SLC35F3: variants seen among roughly 807,000 people sequenced by gnomAD.
The protein encoded by SLC35F3 is putative thiamine transporter SLC35F3.
SLC35F3 carries 25 observed loss-of-function variants against 49.9 expected under a neutral mutation model. The ratio of observed to expected loss-of-function variants is 0.50; its 90% confidence interval spans 0.37 to 0.70. The LOEUF is 0.70. SLC35F3 is among the 30% of genes least tolerant of loss of function. The pLI is 0.00. For missense variants in SLC35F3, 525 were observed against 639.8 expected, an observed-to-expected ratio of 0.82 and a Z score of 1.94; for synonymous variants, 275 against 265.4, an observed-to-expected ratio of 1.04 and a Z score of -0.35.
intron 3 of SLC35F3, among the ~76,000 whole-genome samples, chr1:234,250,146 AT>A: frequency 6.6e-6 from 1 of 152,356 alleles, no homozygotes; most frequent in East Asian, 1.9e-4. Context: ...TGAAGATACT[AT>A]TTATTCAAAA....
intron 3 of SLC35F3, among the ~76,000 whole-genome samples, chr1:234,273,236 G>A (rs1668138105): frequency 6.6e-6 from 1 of 152,214 alleles, no homozygotes; most frequent in Non-Finnish European, 1.5e-5. Flanking sequence ...ACTGCCAGCT[G>A]TGTCTACTTA....
At chr1:234,290,118 C>T (rs988867490) in intron 3 of SLC35F3, among the ~76,000 whole-genome samples, 1 of 152,006 alleles carries the variant, frequency 6.6e-6, no homozygotes, top group African/African-American at 2.4e-5. Context: ...GAAGATCATT[C>T]TGAAGAAATC....
At chr1:234,266,873 G>GTTTTTTTTTTTTTTTTTTTTTTTTT (rs34040004) in intron 3 of SLC35F3, among the ~76,000 whole-genome samples, 3 of 108,644 alleles carry the variant, frequency 2.8e-5, no homozygotes, top group African/African-American at 3.5e-5. Context: ...GAAGCACATG[G>GTTTTTTTTTTTTTTTTTTTTTTTTT]TTTTTTTTTT....
At chr1:234,250,630 G>A (rs1340276148) in intron 3 of SLC35F3, among the ~76,000 whole-genome samples, 1 of 148,240 alleles carries the variant, frequency 6.7e-6, no homozygotes, top group Non-Finnish European at 1.5e-5. Context: ...CTCCAGCCTG[G>A]GCGACAGAGC....
chr1:233,925,834 A>C (rs1460950444), intron 2 of SLC35F3, among the ~76,000 whole-genome samples: 2 of 152,208 alleles, frequency 1.3e-5, no homozygotes, highest in African/African-American at 4.8e-5. Flanking sequence ...CCTGGTGGTG[A>C]CAAAATCTCT....
At chr1:234,277,861 A>C (rs1558095643) in intron 3 of SLC35F3, among the ~76,000 whole-genome samples, 1 of 152,192 alleles carries the variant, frequency 6.6e-6, no homozygotes, top group Non-Finnish European at 1.5e-5. Flanking sequence ...GAAGTTATTA[A>C]CTCTAAAAGG....
intron 3 of SLC35F3, among the ~76,000 whole-genome samples, chr1:234,247,917 C>A (rs1228885138): frequency 6.6e-6 from 1 of 151,690 alleles, no homozygotes; most frequent in Non-Finnish European, 1.5e-5. Flanking sequence ...GTTGGTTGGT[C>A]CATTGCTTGG....
chr1:234,247,219 G>A (rs1263237143), intron 3 of SLC35F3, among the ~76,000 whole-genome samples: 1 of 152,260 alleles, frequency 6.6e-6, no homozygotes, highest in Non-Finnish European at 1.5e-5. Context: ...TTATGTGAAT[G>A]CATGGGTGCA....
Position 233,913,116 on chromosome 1 carries a change from G to A in SLC35F3, c.283+7358G>A, listed in dbSNP as rs150064357. Among the ~76,000 whole-genome samples the A allele has an allele frequency of 3.9e-5, 6 of 152,306 alleles. No homozygotes were observed. In the East Asian group the frequency reaches 9.6e-4, roughly 24 times the overall value. ...GCCTGGGGAGCCCTTTCTCATATCA[G>A]TGAGTTCATTCTTCAGCTGGAGGAG... On this transcript the variant is annotated intron_variant, in intron 2 of 7. Coordinates refer to ENST00000366618, the MANE Select transcript of SLC35F3 (RefSeq NM_173508.4).
At chr1:234,180,601 T>C (rs540199529) in intron 2 of SLC35F3, among the ~76,000 whole-genome samples, 1 of 152,220 alleles carries the variant, frequency 6.6e-6, no homozygotes, top group African/African-American at 2.4e-5. Context: ...CAGGTCACTC[T>C]CTATTTAAAG....
At chr1:234,307,964 T>G (rs1206103606) in intron 3 of SLC35F3, among the ~76,000 whole-genome samples, 1 of 152,238 alleles carries the variant, frequency 6.6e-6, no homozygotes, top group Non-Finnish European at 1.5e-5. Context: ...TACTTCCTTC[T>G]TCTGCATGTA....
chr1:234,322,702 T>C (rs79213830), intron 7 of SLC35F3, among the ~76,000 whole-genome samples: 1 of 149,698 alleles, frequency 6.7e-6, no homozygotes, highest in East Asian at 2.0e-4. Context: ...CTATCTCTCA[T>C]CTCCTCAACT....
At position 234,320,025 on chromosome 1, in the gene SLC35F3, C is replaced by A; in HGVS notation, c.1148-73C>A. 1.9e-6 allele frequency: 2 copies of A among 1,045,972 alleles called. No homozygotes were observed. The highest frequency in any genetic ancestry group is 1.3e-5 in the South Asian group (1 of 77,792). The allele number at this position is 1,045,972 out of a possible 1,614,324, so 64.8% of individuals were successfully genotyped here. On this transcript the variant is annotated intron_variant, in intron 6 of 7. Coordinates refer to ENST00000366618, the MANE Select transcript of SLC35F3 (RefSeq NM_173508.4). This position sits in a 1 kb window ranked among gnomAD's most constrained non-coding sequence, Gnocchi z 4.8. ...CCAGCCTCATCAGGAAAACCTGGGT[C>A]AGATAGGCCAGCAGGGAGGTAAAGT...
intron 2 of SLC35F3, among the ~76,000 whole-genome samples, chr1:234,050,714 T>A (rs549338280): frequency 6.6e-6 from 1 of 152,350 alleles, no homozygotes; most frequent in Admixed American, 6.5e-5. Flanking sequence ...TCCTTGCCCA[T>A]GCCTATGTCC....
intron 2 of SLC35F3, among the ~76,000 whole-genome samples, chr1:233,906,809 C>G (rs576194787): frequency 1.3e-5 from 2 of 152,264 alleles, no homozygotes; most frequent in Admixed American, 6.5e-5. Context: ...GAGTCCAAGG[C>G]AAAGGTCAGT....
At chr1:234,309,034 T>G in intron 3 of SLC35F3, 67 bp from the exon 4 acceptor site, 1 of 1,312,284 alleles carries the variant, frequency 7.6e-7, no homozygotes, top group Non-Finnish European at 1.1e-6. Context: ...AAAAACTTGC[T>G]ATAGGAAATA....
chr1:234,158,972 A>C (rs189324389), intron 2 of SLC35F3, among the ~76,000 whole-genome samples: 1 of 152,278 alleles, frequency 6.6e-6, no homozygotes. Flanking sequence ...AAAGATATTT[A>C]GAGTTTTTTG....
intron 3 of SLC35F3, among the ~76,000 whole-genome samples, chr1:234,262,179 T>G (rs1667915022): frequency 6.6e-6 from 1 of 152,196 alleles, no homozygotes; most frequent in Non-Finnish European, 1.5e-5. Flanking sequence ...AGGGAGTTAC[T>G]TTAGGAAAGG....
chr1:234,165,522 C>T (rs2100682), intron 2 of SLC35F3, among the ~76,000 whole-genome samples: 12,468 of 151,996 alleles, frequency 0.082, 1,665 homozygotes, highest in African/African-American at 0.28. Flanking sequence ...GATCTCAAAA[C>T]GTTTGGTCTT....
Sources: allele counts gnomAD v4.1 joint callset (sites outside exome capture counted in the v4.1 genomes callset), GRCh38; gene constraint gnomAD v4.1.1; non-coding constraint Gnocchi (gnomAD v3.1); transcripts MANE v1.5; gene names NCBI Gene and HGNC (gene_info 2026-07-23, HGNC 2026-07-21).